DGKB: variants seen among roughly 807,000 people sequenced by gnomAD.
DGKB encodes the protein 90 kDa diacylglycerol kinase.
In DGKB, 67 loss-of-function variants were observed where a neutral mutation model predicts 114.3. That is an observed-to-expected ratio of 0.59 (90% confidence interval 0.48 to 0.72). DGKB has a LOEUF of 0.72. Among genes scored for constraint, DGKB ranks in the 30% least tolerant of loss-of-function variants. DGKB has a pLI of 0.00. For synonymous variants in DGKB, 398 were observed against 323.1 expected, an observed-to-expected ratio of 1.23 and a Z score of -2.49; for missense variants, 907 against 975.2, an observed-to-expected ratio of 0.93 and a Z score of 0.93.
At chr7:14,922,809 T>C (rs765406306) in intron 1 of DGKB, among the ~76,000 whole-genome samples, 5 of 152,018 alleles carry the variant, frequency 3.3e-5, no homozygotes, top group Non-Finnish European at 7.4e-5. Context: ...ATACATTGAG[T>C]CAAGCTAAAC....
At chr7:14,325,303 G>A (rs913534190) in intron 23 of DGKB, among the ~76,000 whole-genome samples, 2 of 152,076 alleles carry the variant, frequency 1.3e-5, no homozygotes, top group Non-Finnish European at 2.9e-5. Flanking sequence ...TGGTGATTTG[G>A]TTATATGGTT....
intron 12 of DGKB, among the ~76,000 whole-genome samples, chr7:14,678,072 T>G (rs1405868360): frequency 6.6e-6 from 1 of 152,076 alleles, no homozygotes; most frequent in Non-Finnish European, 1.5e-5. Context: ...AGGATGATAT[T>G]ATAAAACAAA....
chr7:14,195,907 T>C (rs1562587944), intron 23 of DGKB, among the ~76,000 whole-genome samples: 1 of 152,156 alleles, frequency 6.6e-6, no homozygotes, highest in Non-Finnish European at 1.5e-5. Flanking sequence ...TTTGAGGTTA[T>C]TGTGCATAAA....
At chr7:14,561,471 G>C (rs1391566402) in intron 20 of DGKB, among the ~76,000 whole-genome samples, 1 of 152,158 alleles carries the variant, frequency 6.6e-6, no homozygotes, top group Non-Finnish European at 1.5e-5. Context: ...GGAATAGAGT[G>C]ACAGGCAGAA....
chr7:14,860,518 A>G (rs1297053815), intron 1 of DGKB, among the ~76,000 whole-genome samples: 2 of 152,014 alleles, frequency 1.3e-5, no homozygotes, highest in African/African-American at 4.8e-5. Flanking sequence ...GATTTTAAAA[A>G]TGGTATTTTA....
chr7:14,527,486 A>C (rs923576769), intron 20 of DGKB, among the ~76,000 whole-genome samples: 1 of 152,120 alleles, frequency 6.6e-6, no homozygotes, highest in Non-Finnish European at 1.5e-5. Context: ...TTTCTGGCAT[A>C]ATAGCAATTC....
At chr7:14,646,909 C>G (rs192785493) in intron 13 of DGKB, among the ~76,000 whole-genome samples, 4 of 151,502 alleles carry the variant, frequency 2.6e-5, no homozygotes, top group Non-Finnish European at 5.9e-5. Context: ...CAATACACCT[C>G]AAGAAACTAG....
At chr7:14,871,354 C>A (rs1852425149) in intron 1 of DGKB, among the ~76,000 whole-genome samples, 1 of 152,096 alleles carries the variant, frequency 6.6e-6, no homozygotes, top group Non-Finnish European at 1.5e-5. Flanking sequence ...AGAACTCATT[C>A]CTCCTATTAT....
chr7:14,837,991 T>C (rs1847386383), intron 2 of DGKB, among the ~76,000 whole-genome samples: 1 of 152,180 alleles, frequency 6.6e-6, no homozygotes, highest in Admixed American at 6.5e-5. Flanking sequence ...TAATTTGTCT[T>C]CTCATAGAAT....
At chr7:14,938,409 C>A (rs1785385973) in intron 1 of DGKB, among the ~76,000 whole-genome samples, 1 of 152,082 alleles carries the variant, frequency 6.6e-6, no homozygotes, top group Admixed American at 6.6e-5. Flanking sequence ...ACTGAGTTTC[C>A]TTCTTAACTA....
intron 20 of DGKB, among the ~76,000 whole-genome samples, chr7:14,509,439 T>G (rs1787637958): frequency 6.6e-6 from 1 of 152,120 alleles, no homozygotes; most frequent in African/African-American, 2.4e-5. Flanking sequence ...TGGAGTATAA[T>G]CAAACATCTT....
intron 20 of DGKB, among the ~76,000 whole-genome samples, chr7:14,509,676 C>T (rs1299008944): frequency 6.6e-6 from 1 of 152,186 alleles, no homozygotes; most frequent in African/African-American, 2.4e-5. Flanking sequence ...ATAAATCGGG[C>T]AGAGCCCGAG....
intron 23 of DGKB, among the ~76,000 whole-genome samples, chr7:14,207,420 T>C (rs555542589): frequency 6.6e-6 from 1 of 152,116 alleles, no homozygotes; most frequent in Admixed American, 6.6e-5. Context: ...AGACATTCTG[T>C]TCTCTGAGGG....
chr7:14,577,678 A>T (rs1799365862), intron 19 of DGKB, among the ~76,000 whole-genome samples: 1 of 152,146 alleles, frequency 6.6e-6, no homozygotes, highest in South Asian at 2.1e-4. Flanking sequence ...CACAAACAAG[A>T]TTTTCCTTGC....
intron 21 of DGKB, among the ~76,000 whole-genome samples, chr7:14,450,600 G>C (rs1831347340): frequency 6.6e-6 from 1 of 151,822 alleles, no homozygotes; most frequent in Non-Finnish European, 1.5e-5. Context: ...CCTAAGAGTA[G>C]AAAAAAAATT....
chr7:14,231,127 C>CTTTCT (rs1554297194), intron 23 of DGKB, among the ~76,000 whole-genome samples: 1 of 125,100 alleles, frequency 8.0e-6, no homozygotes, highest in East Asian at 2.3e-4. Flanking sequence ...TTCTTTCTTT[C>CTTTCT]TTTCTTTCTT....
intron 21 of DGKB, among the ~76,000 whole-genome samples, chr7:14,438,991 T>G (rs77000518): frequency 0.012 from 802 of 65,034 alleles, 5 homozygotes; most frequent in Middle Eastern, 0.03. Context: ...GAAGCCTCCT[T>G]TTTTTTTTCT....
intron 20 of DGKB, among the ~76,000 whole-genome samples, chr7:14,495,924 A>C (rs1481281895): frequency 6.6e-6 from 1 of 151,580 alleles, no homozygotes; most frequent in Admixed American, 6.6e-5. Flanking sequence ...TTGACCACAC[A>C]AAAAAAAGAG....
intron 23 of DGKB, among the ~76,000 whole-genome samples, chr7:14,207,961 G>A (rs953505247): frequency 3.3e-5 from 5 of 152,010 alleles, no homozygotes; most frequent in Admixed American, 2.0e-4. Context: ...ACAGAACTTT[G>A]TAGATGAACT....
Sources: gnomAD v4.1 joint callset for allele counts (sites outside exome capture counted in the v4.1 genomes callset) on GRCh38, gnomAD v4.1.1 for gene constraint, MANE v1.5 for transcripts, NCBI Gene and HGNC (gene_info 2026-07-23, HGNC 2026-07-21) for gene names.